Variants in INKA2 observed in about 807,000 individuals in gnomAD.
INKA2 encodes inka box actin regulator 2, also known as PAK4-inhibitor INKA2.
In INKA2, 3 loss-of-function variants were observed where a neutral mutation model predicts 9.8. That is an observed-to-expected ratio of 0.31 (90% CI 0.14 to 0.79). The LOEUF is 0.79. Among genes scored for constraint, INKA2 ranks in the 30% least tolerant of loss-of-function variants. The pLI is 0.62. For missense variants in INKA2, 392 were observed against 384.4 expected, an observed-to-expected ratio of 1.02 and a Z score of -0.17; for synonymous variants, 147 against 143.3, an observed-to-expected ratio of 1.03 and a Z score of -0.18.
At chr1:111,755,693 C>A in intron 1 of INKA2, 1 of 1,613,700 alleles carries the variant, frequency 6.2e-7, no homozygotes, top group Non-Finnish European at 8.5e-7. Flanking sequence ...CCACAGGCAG[C>A]GACTCACCAG....
chr1:111,755,552 A>G lies in INKA2; in HGVS notation n.124+149T>C. ...AACGGAAGCACGAGACGGGGGCGTG[A>G]CGCACCGGGCGCATCACAAAGAACG... On this transcript the variant is annotated intron_variant and non_coding_transcript_variant, in intron 1 of 1. Coordinates refer to the INKA2 transcript ENST00000444059. 3 of 846,236 alleles carry G rather than the reference A, an allele frequency of 3.5e-6. No individual in the cohort carries two copies. The South Asian group carries it at 5.5e-5, about 16-fold the overall frequency. The allele number at this position is 846,236 out of a possible 1,614,324, so 52.4% of individuals were successfully genotyped here.
In INKA2 at chr1:111,727,472, C is replaced by T; in HGVS notation, c.390G>A (p.Gln130=). The T allele has an allele frequency of 1.2e-6, 2 of 1,614,246 alleles. No homozygotes were observed. Among genetic ancestry groups the T allele is most frequent in the African/African-American group, 1.3e-5 (1 of 75,070 alleles). ...CCGGTTCCACTCGCTCTGGCCCCTG[C>T]TGAGCACAGCTTTGATGTGGCTGTG... ...PRTQPHQSCA[Q]QGPERVEPDD... The change falls in exon 2 of 2, where the codon CAG becomes CAA. Residue 130 remains glutamine (Q), a synonymous_variant. Coordinates refer to ENST00000357260, the MANE Select transcript of INKA2 (RefSeq NM_019099.5).
chr1:111,728,703 T>C (rs181152004), intron 1 of INKA2, among the ~76,000 whole-genome samples: 5 of 152,288 alleles, frequency 3.3e-5, no homozygotes, highest in African/African-American at 1.2e-4. Context: ...TTGGGTTGTA[T>C]GTATAAGATG....
upstream of INKA2, chr1:111,744,281 C>T (rs182240630): frequency 1.3e-3 from 199 of 152,198 alleles, no homozygotes; most frequent in African/African-American, 4.6e-3. Flanking sequence ...ATTAAAAAAA[C>T]CCTTTGGACT....
chr1:111,727,553 G>C lies in INKA2; in HGVS notation c.309C>G (p.Thr103=). Residue 103 remains threonine (T), a synonymous_variant, in exon 2 of 2, where the codon ACC becomes ACG. Coordinates refer to ENST00000357260, the MANE Select transcript of INKA2 (RefSeq NM_019099.5). ...PSSQPSLGSS[T]KFPSHRSVCG... ...AGACACTCCTATGGGATGGAAACTTGGTGCTGCTGCCAAGAGAAGGTTGAC... is the reference window on the plus strand; with the variant it reads ...AGACACTCCTATGGGATGGAAACTTCGTGCTGCTGCCAAGAGAAGGTTGAC... The C allele has an allele frequency of 1.2e-6, 2 of 1,613,534 alleles. No homozygotes were observed. Among genetic ancestry groups the C allele is most frequent in the Non-Finnish European group, 1.7e-6 (2 of 1,179,724 alleles).
At chr1:111,730,689 T>G (rs886788519) in intron 1 of INKA2, among the ~76,000 whole-genome samples, 18 of 152,356 alleles carry the variant, frequency 1.2e-4, no homozygotes, top group Non-Finnish European at 2.6e-4. Flanking sequence ...TTCCCTGTAG[T>G]CCTGCCACTT....
At chr1:111,728,490 T>C (rs917186585) in intron 1 of INKA2, among the ~76,000 whole-genome samples, 1 of 152,146 alleles carries the variant, frequency 6.6e-6, no homozygotes, top group Non-Finnish European at 1.5e-5. Context: ...CCAGATGCCA[T>C]AGTCCTAACT....
At chr1:111,729,965 A>G (rs1662870633) in intron 1 of INKA2, among the ~76,000 whole-genome samples, 1 of 152,252 alleles carries the variant, frequency 6.6e-6, no homozygotes, top group African/African-American at 2.4e-5. Flanking sequence ...CGCTCTGTGC[A>G]CTTTCCCCAA....
chr1:111,745,283 ATATATATATATTTTTT>A (rs1257446996), intron 1 of INKA2: 1 of 47,946 alleles, frequency 2.1e-5, no homozygotes, highest in African/African-American at 9.6e-5. Flanking sequence ...ATATATATAT[ATATATATATATTTTTT>A]TTTTTTTTTT....
exon 1 of INKA2, chr1:111,755,767 G>A: frequency 1.2e-6 from 2 of 1,613,366 alleles, no homozygotes; most frequent in Non-Finnish European, 8.5e-7. Context: ...TGTGTGTCTG[G>A]GCAGTCTCTC....
intron 1 of INKA2, among the ~76,000 whole-genome samples, chr1:111,737,187 G>A (rs1358718452): frequency 6.6e-6 from 1 of 152,190 alleles, no homozygotes. Context: ...AGCTAATGGG[G>A]CACTCCGTGA....
At chr1:111,732,926 C>T (rs868516227) in intron 1 of INKA2, among the ~76,000 whole-genome samples, 11 of 152,310 alleles carry the variant, frequency 7.2e-5, no homozygotes, top group African/African-American at 2.6e-4. Context: ...TGGGCAAAAT[C>T]GCCCACTTTT....
At chr1:111,731,655 T>G (rs1190529665) in intron 1 of INKA2, among the ~76,000 whole-genome samples, 2 of 152,192 alleles carry the variant, frequency 1.3e-5, no homozygotes, top group African/African-American at 4.8e-5. Context: ...CCCAGCCAAA[T>G]TTCTCCACTC....
At chr1:111,746,108 C>A (rs1303068703) in intron 1 of INKA2, 1 of 152,196 alleles carries the variant, frequency 6.6e-6, no homozygotes, top group African/African-American at 2.4e-5. Context: ...CTTGGGCATG[C>A]TAAACATTTC....
chr1:111,737,657 G>A (rs917831867), intron 1 of INKA2, among the ~76,000 whole-genome samples: 1 of 152,220 alleles, frequency 6.6e-6, no homozygotes, highest in Non-Finnish European at 1.5e-5. Flanking sequence ...AGAAGCATGT[G>A]CAAACGACTA....
upstream of INKA2, among the ~76,000 whole-genome samples, chr1:111,741,043 G>A (rs1663139186): frequency 8.3e-6 from 1 of 120,022 alleles, no homozygotes; most frequent in Non-Finnish European, 1.7e-5. Flanking sequence ...AGAGGAGAGA[G>A]ATAGATACAG....
intron 1 of INKA2, among the ~76,000 whole-genome samples, chr1:111,732,042 T>C (rs1415104275): frequency 6.6e-6 from 1 of 152,110 alleles, no homozygotes; most frequent in Non-Finnish European, 1.5e-5. Context: ...AGAAGGCAGC[T>C]GGGAGAGGGA....
chr1:111,739,465 A>C, upstream of INKA2: 9 of 1,391,084 alleles, frequency 6.5e-6, no homozygotes, highest in East Asian at 2.7e-5. Context: ...GCCAATGAGA[A>C]TTCAGGGGGG....
Position 111,726,901 on chromosome 1 carries a change from TC to T in INKA2, c.*66del. On this transcript the variant is annotated 3_prime_UTR_variant, in exon 2 of 2. Coordinates refer to ENST00000357260, the MANE Select transcript of INKA2 (RefSeq NM_019099.5). The stretch of plus-strand genomic sequence containing the variant: ...CGAGAGCCATACCGCCCACCCTCCC[TC>T]CTCCCCAGGGGCCCAGCACTGGGAC... The T allele has an allele frequency of 6.8e-7, 1 of 1,478,314 alleles. No individual in the cohort carries two copies. Among genetic ancestry groups the T allele is most frequent in the Non-Finnish European group, 9.2e-7 (1 of 1,087,482 alleles). The allele number at this position is 1,478,314 out of a possible 1,614,324, so 91.6% of individuals were successfully genotyped here.
Sources: allele counts gnomAD v4.1 joint callset (sites outside exome capture counted in the v4.1 genomes callset), GRCh38; gene constraint gnomAD v4.1.1; transcripts MANE v1.5; gene names NCBI Gene and HGNC (gene_info 2026-07-23, HGNC 2026-07-21).